The following F3 variants were observed in gnomAD, a reference collection of about 807,000 sequenced individuals.
F3 encodes tissue factor.
F3 carries 18 observed loss-of-function variants against 33.5 expected under a neutral mutation model. The observed-to-expected ratio is 0.54, with a 90% CI of 0.37 to 0.80. The LOEUF (loss-of-function observed/expected upper bound fraction) is 0.80. F3 is among the 30% of genes least tolerant of loss of function. The pLI is 0.00. For missense variants in F3, 353 were observed against 362.1 expected (o/e 0.97, Z 0.20); for synonymous variants, 147 against 140.7 (o/e 1.05, Z -0.32).
chr1:94,540,212 A>G, intron 2 of F3, 45 bp downstream of exon 2: 1 of 1,198,634 alleles, frequency 8.3e-7, no homozygotes, highest in Non-Finnish European at 1.2e-6. Flanking sequence ...ATAGGACAGT[A>G]GAAACATCAA....
chr1:94,540,528 T>G (rs1651740726), intron 1 of F3, 160 bp from the exon 2 acceptor site: 3 of 543,236 alleles, frequency 5.5e-6, no homozygotes, highest in Non-Finnish European at 9.6e-6. Context: ...AAAAGAATCT[T>G]CAAATTTTTT....
rs553960053 is a variant in F3, at chr1:94,533,154, C to A, written c.527G>T (p.Arg176Leu). ...AATTAAGTCCTTGCCAAAAACATCC[C>A]GGAGGCTTAGGAAAGTGTTGTTCCT... ...VRRNNTFLSL[R>L]DVFGKDLIYT... The change falls in exon 4 of 6, where the codon CGG (arginine) becomes CTG (leucine). Residue 176 changes from arginine to leucine, a missense_variant. Arg to Leu is a moderately radical substitution (Grantham distance 102). Coordinates refer to ENST00000334047, the MANE Select transcript of F3 (RefSeq NM_001993.5). 1 of 1,613,778 alleles carries A rather than the reference C, an allele frequency of 6.2e-7. No individual in the cohort carries two copies. Among genetic ancestry groups the A allele is most frequent in the African/African-American group, 1.3e-5 (1 of 75,022 alleles).
chr1:94,541,484 C>T (rs1651775725), intron 1 of F3, 53 bp downstream of exon 1: 1 of 1,346,006 alleles, frequency 7.4e-7, no homozygotes, highest in African/African-American at 1.5e-5. Context: ...AGGACTGTCG[C>T]CTCCCTCCTG....
chr1:94,540,379 C>T lies in F3; in HGVS notation c.101-11G>A. Reference sequence around the variant, plus strand: ...CAGTATTTGTAGTGCCTTTAAACAACAGAGAAACAGCTATTATTACATGCA... The same window carrying T: ...CAGTATTTGTAGTGCCTTTAAACAATAGAGAAACAGCTATTATTACATGCA... On this transcript the variant is annotated splice_polypyrimidine_tract_variant and intron_variant, in intron 1 of 5. Coordinates refer to ENST00000334047, the MANE Select transcript of F3 (RefSeq NM_001993.5). 9 of 1,569,736 alleles carry T rather than the reference C, an allele frequency of 5.7e-6. No individual in the cohort carries two copies. The highest frequency in any genetic ancestry group is 1.1e-5 in the South Asian group (1 of 89,992).
chr1:94,535,559 C>A (rs1048060929), intron 3 of F3, among the ~76,000 whole-genome samples: 6 of 152,032 alleles, frequency 3.9e-5, no homozygotes, highest in Non-Finnish European at 8.8e-5. Flanking sequence ...TGGGAAAAAT[C>A]CTCAACTGGG....
rs567882691 is a variant in F3, at chr1:94,539,145, T to A, written c.212+1112A>T. On this transcript the variant is annotated intron_variant, in intron 2 of 5. Coordinates refer to ENST00000334047, the MANE Select transcript of F3 (RefSeq NM_001993.5). ...AACTTCAGGCCTGTATCAGAGAAAT[T>A]ACTTACTAATTCTCAATTGGTGAAA... Among the ~76,000 whole-genome samples the A allele has an allele frequency of 1.5e-3, 232 of 152,296 alleles. 1 individual carries two copies. Among genetic ancestry groups the A allele is most frequent in the South Asian group, 3.9e-3 (19 of 4,828 alleles).
intron 5 of F3, among the ~76,000 whole-genome samples, 191 bp from the exon 6 acceptor site, chr1:94,530,787 G>A (rs915449901): frequency 1.3e-5 from 2 of 152,134 alleles, no homozygotes; most frequent in Non-Finnish European, 2.9e-5. Flanking sequence ...ATTGACAATG[G>A]CTAAACACAT....
At chr1:94,534,245 G>A (rs1324338615) in intron 3 of F3, among the ~76,000 whole-genome samples, 9 of 152,038 alleles carry the variant, frequency 5.9e-5, no homozygotes, top group African/African-American at 7.2e-5. Flanking sequence ...TATAATACAC[G>A]CAACATGAAA....
At position 94,541,637 on chromosome 1, in the gene F3, G is replaced by C. The variant is rs953284387; in HGVS notation, c.-1C>G. 1.4e-5 allele frequency: 19 copies of C among 1,406,142 alleles called. No individual in the cohort carries two copies. The Admixed American group carries it at 3.3e-4, about 24-fold the overall frequency. The allele number at this position is 1,406,142 out of a possible 1,614,324, so 87.1% of individuals were successfully genotyped here. On this transcript the variant is annotated 5_prime_UTR_variant, in exon 1 of 6. Coordinates refer to ENST00000334047, the MANE Select transcript of F3 (RefSeq NM_001993.5). ...CCCGGGGCCAGGCAGGGGTCTCCATGTCTACCAGTTGGCGGCGAGATCGAG... is the reference window on the plus strand; with the variant it reads ...CCCGGGGCCAGGCAGGGGTCTCCATCTCTACCAGTTGGCGGCGAGATCGAG...
In F3 at chr1:94,536,003, A is replaced by T. The variant is rs142432480; in HGVS notation, c.374T>A (p.Leu125Gln). 3 of 1,614,082 alleles carry T rather than the reference A, an allele frequency of 1.9e-6. No individual in the cohort carries two copies. The highest frequency in any genetic ancestry group is 2.5e-6 in the Non-Finnish European group (3 of 1,180,044). Residue 125 changes from leucine (L) to glutamine (Q), a missense_variant, in exon 3 of 6, where the codon CTG (leucine) becomes CAG (glutamine). By Grantham distance (113) the Leu-to-Gln change is moderately radical. Transcript: ENST00000334047. ...VESTGSAGEP[L>Q]YENSPEFTPY... The stretch of plus-strand genomic sequence containing the variant: ...TGTGAACTCTGGGGAGTTCTCATAC[A>T]GAGGCTCCCCAGCAGAACCGGTGCT...
At chr1:94,539,130 C>T (rs2101094094) in intron 2 of F3, among the ~76,000 whole-genome samples, 1 of 152,206 alleles carries the variant, frequency 6.6e-6, no homozygotes, top group East Asian at 1.9e-4. Context: ...AACTTCAGGC[C>T]TGTATCAGAG....
chr1:94,535,669 C>G (rs977291088), intron 3 of F3, among the ~76,000 whole-genome samples: 11 of 152,008 alleles, frequency 7.2e-5, no homozygotes, highest in Non-Finnish European at 4.4e-5. Context: ...TCCCTACCCG[C>G]TTCCCTGGCC....
Position 94,536,098 on chromosome 1 carries a change from G to A in F3, c.279C>T (p.Asp93=), listed in dbSNP as rs775151591. Residue 93 remains aspartate (D), a synonymous_variant, in exon 3 of 6, where the codon GAC becomes GAT. Transcript: ENST00000334047. ...YTTDTECDLT[D]EIVKDVKQTY... Reference sequence around the variant, plus strand: ...TCTGCTTCACATCCTTCACAATCTCGTCGGTGAGGTCACACTCTGTGTCTG... The same window carrying A: ...TCTGCTTCACATCCTTCACAATCTCATCGGTGAGGTCACACTCTGTGTCTG... The A allele has an allele frequency of 2.5e-6, 4 of 1,613,964 alleles. No homozygotes were observed. The highest frequency in any genetic ancestry group is 2.2e-5 in the South Asian group (2 of 91,084).
At chr1:94,531,450 T>G (rs765526278) in intron 5 of F3, among the ~76,000 whole-genome samples, 1 of 152,016 alleles carries the variant, frequency 6.6e-6, no homozygotes, top group Non-Finnish European at 1.5e-5. Context: ...TACAGACACG[T>G]GCAACCACAC....
At chr1:94,538,575 G>A (rs554479220) in intron 2 of F3, among the ~76,000 whole-genome samples, 1 of 152,238 alleles carries the variant, frequency 6.6e-6, no homozygotes, top group Non-Finnish European at 1.5e-5. Flanking sequence ...CCTCCCATCA[G>A]ACTGTGGCAG....
In F3 at chr1:94,541,639, C is replaced by CTT. The variant is rs1298879368; in HGVS notation, c.-4_-3insAA. The CTT allele has an allele frequency of 3.6e-6, 5 of 1,403,324 alleles. No individual in the cohort carries two copies. The highest frequency in any genetic ancestry group is 4.7e-6 in the Non-Finnish European group (5 of 1,072,680). The allele number at this position is 1,403,324 out of a possible 1,614,324, so 86.9% of individuals were successfully genotyped here. A position where few individuals can be genotyped will look rare whatever the true frequency, so the allele number is the denominator to read the frequency against. On this transcript the variant is annotated 5_prime_UTR_variant, in exon 1 of 6. Coordinates refer to ENST00000334047, the MANE Select transcript of F3 (RefSeq NM_001993.5). Reference sequence around the variant, plus strand: ...CGGGGCCAGGCAGGGGTCTCCATGTCTACCAGTTGGCGGCGAGATCGAGCG... The same window carrying CTT: ...CGGGGCCAGGCAGGGGTCTCCATGTCTTTACCAGTTGGCGGCGAGATCGAGCG...
At chr1:94,530,685 C>A in intron 5 of F3, 89 bp from the exon 6 acceptor site, 1 of 1,496,948 alleles carries the variant, frequency 6.7e-7, no homozygotes. Flanking sequence ...CAAATTACAC[C>A]ATCCTATTTT....
At chr1:94,540,226 C>A (rs376017783) in intron 2 of F3, 31 bp downstream of exon 2, 36 of 1,384,800 alleles carry the variant, frequency 2.6e-5, no homozygotes, top group East Asian at 1.1e-4. Flanking sequence ...ACATCAAAGA[C>A]CTTAATTTTC....
intron 5 of F3, 77 bp from the exon 6 acceptor site, chr1:94,530,673 C>A: frequency 1.3e-6 from 2 of 1,549,890 alleles, no homozygotes; most frequent in Non-Finnish European, 1.8e-6. Context: ...ACGGCATAAC[C>A]CCAAATTACA....
Sources: allele counts gnomAD v4.1 joint callset (sites outside exome capture counted in the v4.1 genomes callset), GRCh38; gene constraint gnomAD v4.1.1; transcripts MANE v1.5; gene names NCBI Gene and HGNC (gene_info 2026-07-23, HGNC 2026-07-21).